Variants in NPLOC4 observed in about 807,000 individuals in gnomAD.
The protein encoded by NPLOC4 is NPL4 homolog, ubiquitin recognition factor.
Under a neutral mutation model 80.6 loss-of-function variants are expected in NPLOC4, and 18 were observed. That is an observed-to-expected ratio of 0.22 (90% CI 0.15 to 0.33). NPLOC4 has a LOEUF of 0.33. Among genes scored for constraint, NPLOC4 ranks in the 10% least tolerant of loss-of-function variants. The pLI is 1.00. For synonymous variants in NPLOC4, 313 were observed against 301.5 expected (o/e 1.04, Z -0.39); for missense variants, 540 against 786.1 (o/e 0.69, Z 3.74).
At chr17:81,634,589 CT>C (rs34386430) in intron 1 of NPLOC4, among the ~76,000 whole-genome samples, 51,176 of 141,638 alleles carry the variant, frequency 0.36, 10,210 homozygotes, top group East Asian at 0.69. Context: ...ATGATTAACA[CT>C]TTTTTTTTTT....
chr17:81,559,552 A>G, intron 16 of NPLOC4, 136 bp from the exon 17 acceptor site: 1 of 927,608 alleles, frequency 1.1e-6, no homozygotes, highest in South Asian at 1.8e-5. Flanking sequence ...TCCTGCCCAC[A>G]CAGCACTCCC....
intron 3 of NPLOC4, 43 bp from the exon 4 acceptor site, chr17:81,613,537 C>T: frequency 1.3e-6 from 2 of 1,566,268 alleles, no homozygotes; most frequent in Non-Finnish European, 1.7e-6. Flanking sequence ...CCCTTACCAC[C>T]TGAGCTTCAT....
intron 4 of NPLOC4, among the ~76,000 whole-genome samples, chr17:81,612,177 A>G (rs2035359003): frequency 6.6e-6 from 1 of 152,108 alleles, no homozygotes. Context: ...CACAATCTGA[A>G]GGAGAGGTAT....
At chr17:81,584,569 T>C (rs1201551730) in intron 12 of NPLOC4, among the ~76,000 whole-genome samples, 1 of 152,182 alleles carries the variant, frequency 6.6e-6, no homozygotes, top group East Asian at 1.9e-4. Flanking sequence ...TGAGTGCTGT[T>C]TGGGAGATCC....
rs1306959198 is a variant in NPLOC4 at position 81,600,439 on chromosome 17, C to T, written c.835-12G>A. 1 of 1,606,054 alleles carries T rather than the reference C, an allele frequency of 6.2e-7. No homozygotes were observed. Among genetic ancestry groups the T allele is most frequent in the Non-Finnish European group, 8.5e-7 (1 of 1,175,074 alleles). ...TTCTGTGTACCAATCTGCAGGGAAT[C>T]AAAGGGAGAAGATGGACTTAGAGCA... On this transcript the variant is annotated splice_polypyrimidine_tract_variant and intron_variant, in intron 8 of 16. Coordinates refer to ENST00000331134, the MANE Select transcript of NPLOC4 (RefSeq NM_017921.4).
chr17:81,617,266 G>C (rs1175894258), intron 3 of NPLOC4, among the ~76,000 whole-genome samples: 1 of 152,150 alleles, frequency 6.6e-6, no homozygotes, highest in Non-Finnish European at 1.5e-5. Flanking sequence ...AAAAAAATCA[G>C]ATTACGTATT....
intron 12 of NPLOC4, among the ~76,000 whole-genome samples, chr17:81,576,635 A>ATTTG (rs2034310281): frequency 1.8e-5 from 2 of 112,316 alleles, no homozygotes; most frequent in Non-Finnish European, 3.7e-5. Flanking sequence ...ATAAAAGACA[A>ATTTG]AGAACGAAAA....
chr17:81,613,880 T>TC (rs1480454635), intron 3 of NPLOC4, among the ~76,000 whole-genome samples: 1 of 151,288 alleles, frequency 6.6e-6, no homozygotes. Context: ...GGCTCTCTCC[T>TC]CCCCCAACAC....
intron 11 of NPLOC4, among the ~76,000 whole-genome samples, chr17:81,591,245 G>A (rs999387734): frequency 2.0e-5 from 3 of 151,890 alleles, no homozygotes; most frequent in Admixed American, 2.0e-4. Context: ...GACCAGCCTG[G>A]AAAACATGGT....
At chr17:81,628,950 C>T (rs2144328246) in intron 2 of NPLOC4, among the ~76,000 whole-genome samples, 1 of 151,242 alleles carries the variant, frequency 6.6e-6, no homozygotes, top group East Asian at 2.0e-4. Context: ...GCGATCTCAG[C>T]TCACTGCAAG....
rs972020735 is a variant in NPLOC4 at position 81,558,504 on chromosome 17, A to G, written c.*755T>C. 2 of 152,208 alleles carry G rather than the reference A, an allele frequency of 1.3e-5. No homozygotes were observed. The highest frequency in any genetic ancestry group is 2.9e-5 in the Non-Finnish European group (2 of 68,040). 9.4% of individuals were successfully genotyped at this position (152,208 alleles called of 1,614,324 possible). On this transcript the variant is annotated 3_prime_UTR_variant, in exon 17 of 17. Transcript: ENST00000331134. ...CCCGTCCACACTCATCACCCTGGAC[A>G]CAACCTCGGGGGCTTCACTAAAGGA...
intron 2 of NPLOC4, among the ~76,000 whole-genome samples, chr17:81,623,099 C>G (rs1054270766): frequency 6.6e-6 from 1 of 151,472 alleles, no homozygotes; most frequent in African/African-American, 2.4e-5. Context: ...GAGGCTGAAG[C>G]AGGAGAATCA....
intron 2 of NPLOC4, among the ~76,000 whole-genome samples, chr17:81,625,011 G>A (rs2035762040): frequency 6.6e-6 from 1 of 152,210 alleles, no homozygotes; most frequent in Non-Finnish European, 1.5e-5. Context: ...CCACACTGAA[G>A]AGGAAGCTAG....
intron 16 of NPLOC4, chr17:81,560,512 T>C (rs7502153): frequency 0.083 from 12,566 of 152,198 alleles, 591 homozygotes; most frequent in Middle Eastern, 0.17. Context: ...ATGGAGACCA[T>C]CCTGGCTAAC....
At chr17:81,593,522 G>A (rs958626096) in intron 11 of NPLOC4, among the ~76,000 whole-genome samples, 5 of 151,564 alleles carry the variant, frequency 3.3e-5, no homozygotes, top group Admixed American at 6.6e-5. Context: ...TCTGTGTGTC[G>A]GCAGCCTACA....
At chr17:81,606,916 A>C in intron 6 of NPLOC4, 102 bp from the exon 7 acceptor site, 25 of 1,092,718 alleles carry the variant, frequency 2.3e-5, no homozygotes, top group Non-Finnish European at 3.2e-5. Context: ...ACAGTGTCTC[A>C]GGAGCTAAGC....
At chr17:81,565,373 T>C (rs868077763) in intron 16 of NPLOC4, 132 bp downstream of exon 16, 9 of 810,576 alleles carry the variant, frequency 1.1e-5, no homozygotes, top group East Asian at 5.3e-5. Flanking sequence ...ACTCGTTGCA[T>C]TGCCGATGGC....
intron 8 of NPLOC4, among the ~76,000 whole-genome samples, chr17:81,603,545 A>G (rs2035121791): frequency 6.6e-6 from 1 of 152,214 alleles, no homozygotes; most frequent in African/African-American, 2.4e-5. Flanking sequence ...GCAGTAAGCT[A>G]TGACTGCACA....
intron 3 of NPLOC4, among the ~76,000 whole-genome samples, chr17:81,615,478 C>A (rs530005166): frequency 6.6e-6 from 1 of 152,284 alleles, no homozygotes; most frequent in African/African-American, 2.4e-5. Flanking sequence ...GACTTACACA[C>A]AAGATCAATT....
Sources: allele counts gnomAD v4.1 joint callset (sites outside exome capture counted in the v4.1 genomes callset), GRCh38; gene constraint gnomAD v4.1.1; transcripts MANE v1.5; gene names NCBI Gene and HGNC (gene_info 2026-07-23, HGNC 2026-07-21).